The following ZNF620 variants were observed in gnomAD, a reference collection of about 807,000 sequenced individuals.
ZNF620 encodes the protein zinc finger protein 620.
ZNF620 carries 10 observed loss-of-function variants against 13.3 expected under a neutral mutation model. That is an observed-to-expected ratio of 0.75 (90% CI 0.46 to 1.28). ZNF620 has a LOEUF of 1.28. Ranked by LOEUF, ZNF620 falls within the 50% of genes most tolerant of loss-of-function variation. The pLI is 0.00. For missense variants in ZNF620, 461 were observed against 500.2 expected (o/e 0.92, Z 0.75); for synonymous variants, 166 against 177.6 (o/e 0.93, Z 0.52).
chr3:40,506,787 G>T (rs528724175), intron 2 of ZNF620, among the ~76,000 whole-genome samples: 1 of 152,096 alleles, frequency 6.6e-6, no homozygotes, highest in African/African-American at 2.4e-5. Context: ...TTCCAGTCTG[G>T]ATGCCTTTTA....
Position 40,516,512 on chromosome 3 carries a change from G to A in ZNF620, c.918G>A (p.Lys306=). ...ACCAGAGGTTCCACACTGGGGAGAAGCTCTATGAATGTAACGAATGTTGGA... is the reference window on the plus strand; with the variant it reads ...ACCAGAGGTTCCACACTGGGGAGAAACTCTATGAATGTAACGAATGTTGGA... ...LQHQRFHTGE[K]LYECNECWKT... is the part of the protein sequence containing the mutation. Residue 306 remains lysine (K), a synonymous_variant, in exon 5 of 5, where the codon AAG becomes AAA. Transcript: ENST00000314529. 2 of 1,614,168 alleles carry A rather than the reference G, an allele frequency of 1.2e-6. No individual in the cohort carries two copies. The highest frequency in any genetic ancestry group is 1.7e-6 in the Non-Finnish European group (2 of 1,180,018).
intron 2 of ZNF620, chr3:40,508,740 C>G: frequency 2.2e-6 from 1 of 456,084 alleles, no homozygotes; most frequent in Non-Finnish European, 4.4e-6. Context: ...CCTAAGTGAT[C>G]CTCCCAAGGA....
chr3:40,506,213 C>T, intron 1 of ZNF620, 75 bp downstream of exon 1: 4 of 1,090,930 alleles, frequency 3.7e-6, no homozygotes, highest in Non-Finnish European at 4.1e-6. Flanking sequence ...GAGGAGTTGG[C>T]GGAAAGGAGA....
At chr3:40,511,706 G>C in intron 3 of ZNF620, 110 bp downstream of exon 3, 2 of 1,408,316 alleles carry the variant, frequency 1.4e-6, no homozygotes, top group Non-Finnish European at 1.9e-6. Flanking sequence ...TTTGAGACAA[G>C]AGTCTCCCTC....
At chr3:40,506,704 G>T (rs919751432) in intron 2 of ZNF620, among the ~76,000 whole-genome samples, 1 of 152,186 alleles carries the variant, frequency 6.6e-6, no homozygotes, top group African/African-American at 2.4e-5. Flanking sequence ...AGCAATTCTA[G>T]TAACTGTTTT....
At chr3:40,513,293 C>A (rs9810159) in intron 4 of ZNF620, among the ~76,000 whole-genome samples, 1 of 122,256 alleles carries the variant, frequency 8.2e-6, no homozygotes. Flanking sequence ...GACGAAACCC[C>A]GTCTCAACTA....
chr3:40,508,726 C>G (rs771242954), intron 2 of ZNF620: 3 of 456,266 alleles, frequency 6.6e-6, no homozygotes, highest in Non-Finnish European at 1.3e-5. Flanking sequence ...CTCCACCTCC[C>G]AGGCCTAAGT....
Position 40,516,407 on chromosome 3 carries a change from GA to G in ZNF620, c.814del (p.Arg272GlufsTer74), listed in dbSNP as rs1227149489. Reference sequence around the variant, plus strand: ...CAGACACAGCCTTGATTCAGCATCAGAGAATCCACACTGGAGAAAAGCCCTA... The same window carrying G: ...CAGACACAGCCTTGATTCAGCATCAGGAATCCACACTGGAGAAAAGCCCTA... ...SSDTALIQHQ[R>X]IHTGEKPYEC... is the part of the protein sequence containing the mutation. On this transcript the variant is annotated frameshift_variant, in exon 5 of 5. Coordinates refer to ENST00000314529, the MANE Select transcript of ZNF620 (RefSeq NM_175888.4). LOFTEE classifies it low-confidence loss of function (END_TRUNC). 1.2e-6 allele frequency: 2 copies of G among 1,614,116 alleles called. No individual in the cohort carries two copies. Among genetic ancestry groups the G allele is most frequent in the African/African-American group, 2.7e-5 (2 of 74,936 alleles).
At position 40,512,426 on chromosome 3, in the gene ZNF620, T is replaced by A; in HGVS notation, c.176T>A (p.Leu59Gln). 1 of 1,614,230 alleles carries A rather than the reference T, an allele frequency of 6.2e-7. No individual in the cohort carries two copies. Among genetic ancestry groups the A allele is most frequent in the South Asian group, 1.1e-5 (1 of 91,090 alleles). The change falls in exon 4 of 5, where the codon CTG (leucine) becomes CAG (glutamine). Residue 59 changes from leucine (L) to glutamine (Q), a missense_variant. By Grantham distance (113) the Leu-to-Gln change is moderately radical (BLOSUM62 -2). Coordinates refer to ENST00000314529, the MANE Select transcript of ZNF620 (RefSeq NM_175888.4). The stretch of plus-strand genomic sequence containing the variant: ...GCATTCCCATTCACCACGCCTGTTC[T>A]GGTCTCCCAGCTGGAGCAAGGGGAA... ...SLAFPFTTPV[L>Q]VSQLEQGELP...
intron 3 of ZNF620, among the ~76,000 whole-genome samples, chr3:40,512,018 C>T (rs144936716): frequency 2.3e-4 from 35 of 152,222 alleles, no homozygotes; most frequent in Non-Finnish European, 4.9e-4. Context: ...CTCTCTGTTG[C>T]CCTGAAGGCT....
At chr3:40,512,379 C>T in intron 3 of ZNF620, 23 bp from the exon 4 acceptor site, 1 of 1,605,754 alleles carries the variant, frequency 6.2e-7, no homozygotes, top group Non-Finnish European at 8.5e-7. Flanking sequence ...CTTACCTTTT[C>T]CTGTTTCTTT....
At chr3:40,508,069 T>C (rs1397961524) in intron 2 of ZNF620, among the ~76,000 whole-genome samples, 1 of 152,188 alleles carries the variant, frequency 6.6e-6, no homozygotes, top group East Asian at 1.9e-4. Context: ...ATTACTAATA[T>C]TAATGATTTG....
chr3:40,511,721 G>A (rs1330187414), intron 3 of ZNF620, 125 bp downstream of exon 3: 69 of 1,286,992 alleles, frequency 5.4e-5, no homozygotes, highest in Non-Finnish European at 6.5e-5. Context: ...TCCCTCTGTC[G>A]CCCAGGCTGG....
intron 2 of ZNF620, among the ~76,000 whole-genome samples, chr3:40,510,906 C>T (rs1350289887): frequency 6.6e-6 from 1 of 152,106 alleles, no homozygotes; most frequent in Non-Finnish European, 1.5e-5. Flanking sequence ...TGCACCACCA[C>T]ACTTGGCGAA....
In ZNF620 at chr3:40,516,174, A is replaced by G. The variant is rs1698376320; in HGVS notation, c.580A>G (p.Ile194Val). The change falls in exon 5 of 5, where the codon ATA (isoleucine) becomes GTA (valine). Residue 194 changes from isoleucine (I) to valine (V), a missense_variant. Ile to Val is a conservative substitution (Grantham distance 29). Coordinates refer to ENST00000314529, the MANE Select transcript of ZNF620 (RefSeq NM_175888.4). ...TTNQTNPSGQISYECGQCGRY... is the reference protein window; with the variant it reads ...TTNQTNPSGQVSYECGQCGRY... ...AAATCAGACAAATCCTAGTGGTCAG[A>G]TATCTTATGAATGTGGACAATGTGG... is the stretch of plus-strand genomic sequence containing the variant. The G allele has an allele frequency of 3.7e-6, 6 of 1,614,016 alleles. No homozygotes were observed. Among genetic ancestry groups the G allele is most frequent in the African/African-American group, 1.3e-5 (1 of 74,938 alleles).
In ZNF620 at chr3:40,517,135, A is replaced by T. The variant is rs1416474937; in HGVS notation, c.*272A>T. ...GCCCAGCAGGATGGATTCAAGGGAA[A>T]CCTACATTAAGGAAAATTGCTGTGA... On this transcript the variant is annotated 3_prime_UTR_variant, in exon 5 of 5. Coordinates refer to ENST00000314529, the MANE Select transcript of ZNF620 (RefSeq NM_175888.4). 3.6e-6 allele frequency: 1 copy of T among 279,112 alleles called. No individual in the cohort carries two copies. The highest frequency in any genetic ancestry group is 2.2e-5 in the African/African-American group (1 of 45,826). 17.3% of individuals were successfully genotyped at this position (279,112 alleles called of 1,614,324 possible). A position where few individuals can be genotyped will look rare whatever the true frequency, so the allele number is the denominator to read the frequency against.
At chr3:40,512,997 T>G (rs1416992265) in intron 4 of ZNF620, among the ~76,000 whole-genome samples, 1 of 152,078 alleles carries the variant, frequency 6.6e-6, no homozygotes, top group African/African-American at 2.4e-5. Flanking sequence ...TTCAAATATA[T>G]GCAAACACCA....
intron 4 of ZNF620, among the ~76,000 whole-genome samples, chr3:40,513,998 C>T (rs948964344): frequency 1.4e-4 from 21 of 151,914 alleles, no homozygotes; most frequent in Non-Finnish European, 1.5e-4. Context: ...CTAGCGGTAG[C>T]GCCAGTGCCT....
At chr3:40,508,818 A>G (rs2125656112) in intron 2 of ZNF620, 2 of 456,248 alleles carry the variant, frequency 4.4e-6, no homozygotes, top group South Asian at 3.1e-5. Context: ...CCTAGAGACA[A>G]GGTTGCCTAG....
Sources: allele counts gnomAD v4.1 joint callset (sites outside exome capture counted in the v4.1 genomes callset), GRCh38; gene constraint gnomAD v4.1.1; transcripts MANE v1.5; gene names NCBI Gene and HGNC (gene_info 2026-07-23, HGNC 2026-07-21).